The following NUFIP1 variants were observed in gnomAD, a reference collection of about 807,000 sequenced individuals.
The protein encoded by NUFIP1 is nuclear FMR1 interacting protein 1.
Under a neutral mutation model 56.2 loss-of-function variants are expected in NUFIP1, and 38 were observed. The observed-to-expected ratio is 0.68, with a 90% CI of 0.52 to 0.89. The LOEUF (loss-of-function observed/expected upper bound fraction) is 0.89. NUFIP1 is among the 40% of genes least tolerant of loss of function. The pLI is 0.00. For missense variants in NUFIP1, 567 were observed against 605.8 expected (o/e 0.94, Z 0.67); for synonymous variants, 215 against 212.4 (o/e 1.01, Z -0.10).
intron 1 of NUFIP1, among the ~76,000 whole-genome samples, chr13:44,984,835 A>T (rs1456907569): frequency 6.6e-6 from 1 of 151,978 alleles, no homozygotes; most frequent in Non-Finnish European, 1.5e-5. Context: ...CATTAGGTAT[A>T]TCTCCTAATG....
At chr13:44,979,799 T>C (rs1593369955) in intron 4 of NUFIP1, 91 bp downstream of exon 4, 1 of 861,110 alleles carries the variant, frequency 1.2e-6, no homozygotes, top group East Asian at 2.6e-5. Flanking sequence ...TAGTGTTACC[T>C]ATTATTAGGT....
intron 7 of NUFIP1, among the ~76,000 whole-genome samples, chr13:44,954,622 CACCA>C (rs1186118405): frequency 1.3e-5 from 2 of 152,162 alleles, no homozygotes; most frequent in East Asian, 3.8e-4. Context: ...ACCCCCTGCC[CACCA>C]ACCCCCATCC....
At chr13:44,944,340 C>T (rs1375906728) in intron 8 of NUFIP1, among the ~76,000 whole-genome samples, 1 of 152,106 alleles carries the variant, frequency 6.6e-6, no homozygotes, top group Non-Finnish European at 1.5e-5. Flanking sequence ...GACTTCAGAA[C>T]AGTGAACATC....
chr13:44,980,886 A>T (rs1872165863), intron 2 of NUFIP1, 66 bp from the exon 3 acceptor site: 5 of 1,011,254 alleles, frequency 4.9e-6, no homozygotes, highest in Middle Eastern at 2.1e-4. Context: ...ATAAAAACAT[A>T]ACTATCATTC....
chr13:44,979,889 C>A lies in NUFIP1; in HGVS notation c.657+1G>T, dbSNP rs758429325. On this transcript the variant is annotated splice_donor_variant, in intron 4 of 9. Transcript: ENST00000379161. LOFTEE classifies it high-confidence loss of function. Reference sequence around the variant, plus strand: ...AAATAGGATAAAAAAACAGAACTTACATTTCTCCAATGGAACTGGACAATC... The same window carrying A: ...AAATAGGATAAAAAAACAGAACTTAAATTTCTCCAATGGAACTGGACAATC... 3 of 1,592,492 alleles carry A rather than the reference C, an allele frequency of 1.9e-6. No individual in the cohort carries two copies. The highest frequency in any genetic ancestry group is 1.7e-6 in the Non-Finnish European group (2 of 1,172,124).
intron 8 of NUFIP1, among the ~76,000 whole-genome samples, chr13:44,945,368 A>T (rs188447922): frequency 2.7e-4 from 41 of 152,146 alleles, no homozygotes; most frequent in African/African-American, 9.4e-4. Flanking sequence ...CATAATTTAA[A>T]ACTTTCCCAA....
chr13:44,983,828 C>T (rs1412428821), intron 1 of NUFIP1, among the ~76,000 whole-genome samples: 1 of 152,042 alleles, frequency 6.6e-6, no homozygotes, highest in African/African-American at 2.4e-5. Flanking sequence ...ATGAGTTTGA[C>T]CTTCTCTCAC....
chr13:44,977,449 C>T (rs1245018513), intron 5 of NUFIP1, among the ~76,000 whole-genome samples: 1 of 152,022 alleles, frequency 6.6e-6, no homozygotes, highest in Non-Finnish European at 1.5e-5. Flanking sequence ...TCATTTTTTT[C>T]TTATCAACAA....
intron 7 of NUFIP1, 44 bp downstream of exon 7, chr13:44,959,337 T>A: frequency 6.5e-7 from 1 of 1,538,060 alleles, no homozygotes; most frequent in Non-Finnish European, 8.9e-7. Context: ...TTCAGCATCA[T>A]TGTCTATACA....
rs1382475954 is a variant in NUFIP1, at chr13:44,940,332, A to C, written c.*874T>G. The stretch of plus-strand genomic sequence containing the variant: ...AGGATTTTACCAACATGGAGGAGCT[A>C]TCAGCTTTCTTACCTTTCTTCCTTG... On this transcript the variant is annotated 3_prime_UTR_variant, in exon 10 of 10. Transcript: ENST00000379161. The C allele has an allele frequency of 6.6e-6, 1 of 152,254 alleles. No individual in the cohort carries two copies. The highest frequency in any genetic ancestry group is 1.5e-5 in the Non-Finnish European group (1 of 68,032). The allele number at this position is 152,254 out of a possible 1,614,324, so 9.4% of individuals were successfully genotyped here.
intron 7 of NUFIP1, among the ~76,000 whole-genome samples, chr13:44,956,867 G>A (rs936597353): frequency 6.6e-6 from 1 of 151,996 alleles, no homozygotes; most frequent in Non-Finnish European, 1.5e-5. Context: ...CTGTGCCCAG[G>A]GGTTAAGAAC....
rs1871028449 is a variant in NUFIP1 at position 44,949,810 on chromosome 13, AT to A, written c.1049del (p.His350LeufsTer3). ...GTGTCACTTCCTTGGGTATCACAGAATGTTGTGGTTTCTCCTCCTTATCAGA... is the reference window on the plus strand; with the variant it reads ...GTGTCACTTCCTTGGGTATCACAGAAGTTGTGGTTTCTCCTCCTTATCAGA... ...SESDKEEKPQ[H>X]SVIPKEVTPA... On this transcript the variant is annotated frameshift_variant, in exon 8 of 10. Coordinates refer to ENST00000379161, the MANE Select transcript of NUFIP1 (RefSeq NM_012345.3). LOFTEE classifies it high-confidence loss of function. 1 of 1,613,978 alleles carries A rather than the reference AT, an allele frequency of 6.2e-7. No individual in the cohort carries two copies. Among genetic ancestry groups the A allele is most frequent in the Non-Finnish European group, 8.5e-7 (1 of 1,179,956 alleles).
chr13:44,967,213 AC>A (rs1183480758), intron 5 of NUFIP1, among the ~76,000 whole-genome samples: 1 of 152,054 alleles, frequency 6.6e-6, no homozygotes. Context: ...AGTAGGCCAA[AC>A]AATGCAAACA....
At chr13:44,980,584 CT>C (rs1393204944) in intron 3 of NUFIP1, 137 bp downstream of exon 3, 6 of 657,612 alleles carry the variant, frequency 9.1e-6, no homozygotes, top group Non-Finnish European at 1.5e-5. Flanking sequence ...GTCACTGCCC[CT>C]ATCTGTCAAG....
chr13:44,965,526 T>A (rs1871567306), intron 6 of NUFIP1, among the ~76,000 whole-genome samples: 1 of 152,042 alleles, frequency 6.6e-6, no homozygotes, highest in Admixed American at 6.5e-5. Flanking sequence ...AAACCCCATC[T>A]CCACTAAAAA....
At chr13:44,975,913 A>G (rs145315293) in intron 5 of NUFIP1, among the ~76,000 whole-genome samples, 53 of 152,384 alleles carry the variant, frequency 3.5e-4, no homozygotes, top group African/African-American at 1.3e-3. Flanking sequence ...TTGGCAAATC[A>G]GGAAGTCACT....
intron 1 of NUFIP1, among the ~76,000 whole-genome samples, chr13:44,985,566 G>C (rs768527911): frequency 6.6e-6 from 1 of 152,084 alleles, no homozygotes. Context: ...GGTGATTCTC[G>C]AAATATTTCA....
intron 7 of NUFIP1, among the ~76,000 whole-genome samples, chr13:44,955,375 C>A (rs1192282103): frequency 6.6e-6 from 1 of 152,106 alleles, no homozygotes; most frequent in Non-Finnish European, 1.5e-5. Flanking sequence ...AAATACAATA[C>A]AGAAAAGGTG....
intron 6 of NUFIP1, among the ~76,000 whole-genome samples, chr13:44,963,442 A>G (rs1433687628): frequency 6.6e-6 from 1 of 152,172 alleles, no homozygotes; most frequent in African/African-American, 2.4e-5. Flanking sequence ...GGACATCCTT[A>G]TCTTGCTTCT....
Sources: gnomAD v4.1 joint callset for allele counts (sites outside exome capture counted in the v4.1 genomes callset) on GRCh38, gnomAD v4.1.1 for gene constraint, MANE v1.5 for transcripts, NCBI Gene and HGNC (gene_info 2026-07-23, HGNC 2026-07-21) for gene names.